MPPE1: variants seen among roughly 807,000 people sequenced by gnomAD.
The protein encoded by MPPE1 is metallo phosphoesterase.
MPPE1 carries 28 observed loss-of-function variants against 43.8 expected under a neutral mutation model. The observed-to-expected ratio is 0.64, with a 90% CI of 0.47 to 0.88. The LOEUF is 0.88. Ranked by LOEUF, MPPE1 falls within the 40% of genes least tolerant of loss-of-function variation. The pLI is 0.00. For missense variants in MPPE1, 428 were observed against 492.2 expected, an observed-to-expected ratio of 0.87 and a Z score of 1.23; for synonymous variants, 159 against 188.5, an observed-to-expected ratio of 0.84 and a Z score of 1.28.
intron 4 of MPPE1, among the ~76,000 whole-genome samples, chr18:11,891,719 T>C (rs187423968): frequency 4.6e-5 from 7 of 152,352 alleles, no homozygotes; most frequent in Admixed American, 2.6e-4. Flanking sequence ...TGTGCAGCTA[T>C]TGAATTGTCC....
Position 11,886,975 on chromosome 18 carries a change from C to T in MPPE1, c.620G>A (p.Cys207Tyr). 1 of 1,613,902 alleles carries T rather than the reference C, an allele frequency of 6.2e-7. No individual in the cohort carries two copies. The highest frequency in any genetic ancestry group is 1.1e-5 in the South Asian group (1 of 91,080). ...AATGAGCTCTGCTTCTGTTTCAGAG[C>T]AGATGCCACAGCCATCCCCGTTCAG... ...VALNGDGCGI[C>Y]SETEAELIEV... is the part of the protein sequence containing the mutation. The change falls in exon 7 of 11, where the codon TGC (cysteine) becomes TAC (tyrosine). Residue 207 changes from cysteine to tyrosine, a missense_variant. Physicochemically the swap from Cys to Tyr is radical, Grantham distance 194. Coordinates refer to ENST00000588072, the MANE Select transcript of MPPE1 (RefSeq NM_023075.6). This position sits in a 1 kb window ranked among gnomAD's most constrained non-coding sequence, Gnocchi z 4.1.
At chr18:11,894,133 G>A (rs1439695147) in intron 3 of MPPE1, among the ~76,000 whole-genome samples, 1 of 152,190 alleles carries the variant, frequency 6.6e-6, no homozygotes, top group East Asian at 1.9e-4. Context: ...ACAAGCAAAT[G>A]AAAAGAGCCT....
At chr18:11,900,708 C>G (rs549415787) in intron 2 of MPPE1, among the ~76,000 whole-genome samples, 2 of 151,776 alleles carry the variant, frequency 1.3e-5, no homozygotes, top group East Asian at 1.9e-4. Context: ...GAGATCGAGA[C>G]CATCCTGGCT....
intron 6 of MPPE1, among the ~76,000 whole-genome samples, chr18:11,887,513 TACAG>T (rs755614822): frequency 1.3e-5 from 2 of 152,158 alleles, no homozygotes; most frequent in Non-Finnish European, 2.9e-5. Context: ...ATCAGTGACA[TACAG>T]ACACACACAG....
At chr18:11,885,110 C>T (rs1323650145) in intron 10 of MPPE1, 1 of 1,152,098 alleles carries the variant, frequency 8.7e-7, no homozygotes, top group East Asian at 6.3e-5. Flanking sequence ...TGTGGAACAA[C>T]AGTGGCAAAT....
At chr18:11,885,509 C>T (rs1191043311) in intron 10 of MPPE1, 167 bp downstream of exon 10, 8 of 776,190 alleles carry the variant, frequency 1.0e-5, no homozygotes, top group Non-Finnish European at 1.6e-5. Flanking sequence ...GATTGGTTCC[C>T]GGAAGGGTGT....
intron 5 of MPPE1, 95 bp downstream of exon 5, chr18:11,889,292 G>C: frequency 1.3e-6 from 1 of 778,382 alleles, no homozygotes; most frequent in Non-Finnish European, 2.0e-6. Flanking sequence ...CAAATTTCAA[G>C]ACAGCACAAA....
chr18:11,895,493 C>T (rs2038497205), intron 3 of MPPE1, among the ~76,000 whole-genome samples: 1 of 152,150 alleles, frequency 6.6e-6, no homozygotes, highest in African/African-American at 2.4e-5. Context: ...AGGCTTTTTA[C>T]CCAAGATCTC....
rs535012128 is a variant in MPPE1, at chr18:11,891,407, G to C, written c.391-1917C>G. 4 of 152,310 alleles carry C rather than the reference G, an allele frequency of 2.6e-5. No individual in the cohort carries two copies. In the East Asian group the frequency reaches 7.7e-4, roughly 29 times the overall value. 9.4% of individuals were successfully genotyped at this position (152,310 alleles called of 1,614,324 possible). A position where few individuals can be genotyped will look rare whatever the true frequency, so the allele number is the denominator to read the frequency against. ...GAGAATCACTTGAACCAGGGAGGCA[G>C]AGGTTGTAGTAAGCTGAGATCACGC... On this transcript the variant is annotated intron_variant, in intron 4 of 10. Coordinates refer to ENST00000588072, the MANE Select transcript of MPPE1 (RefSeq NM_023075.6).
intron 5 of MPPE1, 73 bp downstream of exon 5, chr18:11,889,314 C>T: frequency 1.0e-6 from 1 of 977,940 alleles, no homozygotes; most frequent in Non-Finnish European, 1.5e-6. Context: ...AGGGCTTTCA[C>T]CTGAATTCCA....
chr18:11,888,293 A>G (rs2037565493), intron 6 of MPPE1, among the ~76,000 whole-genome samples: 1 of 152,268 alleles, frequency 6.6e-6, no homozygotes, highest in Admixed American at 6.5e-5. Flanking sequence ...CATAACTACG[A>G]GAACAGTCTT....
intron 2 of MPPE1, among the ~76,000 whole-genome samples, chr18:11,903,803 C>CT (rs1459141586): frequency 6.6e-6 from 1 of 151,668 alleles, no homozygotes; most frequent in African/African-American, 2.4e-5. Flanking sequence ...GAGACTCCGT[C>CT]TCAAAAAAAC....
chr18:11,886,924 G>A lies in MPPE1; in HGVS notation c.671C>T (p.Ser224Phe), dbSNP rs1372435634. The A allele has an allele frequency of 6.2e-7, 1 of 1,612,296 alleles. No individual in the cohort carries two copies. The highest frequency in any genetic ancestry group is 1.7e-5 in the Admixed American group (1 of 59,912). ...ATTCAGATGCTCTCCTACCTCTCGG[G>A]AGCAGTTCAGTCTGTGAGAAACTTC... ...LIEVSHRLNC[S>F]REARGSSRCG... The change falls in exon 7 of 11, where the codon TCC (serine) becomes TTC (phenylalanine). Residue 224 changes from serine (S) to phenylalanine (F), a missense_variant. Coordinates refer to ENST00000588072, the MANE Select transcript of MPPE1 (RefSeq NM_023075.6). This position sits in a 1 kb window ranked among gnomAD's most constrained non-coding sequence, Gnocchi z 4.1.
In MPPE1 at chr18:11,893,506, C is replaced by G; in HGVS notation, c.352G>C (p.Gly118Arg). The G allele has an allele frequency of 6.2e-7, 1 of 1,614,038 alleles. No individual in the cohort carries two copies. Among genetic ancestry groups the G allele is most frequent in the African/African-American group, 1.3e-5 (1 of 75,030 alleles). The change falls in exon 4 of 11, where the codon GGG becomes CGG. Residue 118 changes from glycine to arginine, a missense_variant. Gly to Arg is a moderately radical substitution (Grantham distance 125, BLOSUM62 -2). Coordinates refer to ENST00000588072, the MANE Select transcript of MPPE1 (RefSeq NM_023075.6). ...LLQPEVVFIL[G>R]DIFDEGKWST... ...CACTTCCCTTCATCAAAGATATCCC[C>G]CAGGATGAAGACGACTTCCGGCTGC...
chr18:11,887,665 C>T (rs1447635094), intron 6 of MPPE1, among the ~76,000 whole-genome samples: 3 of 152,190 alleles, frequency 2.0e-5, no homozygotes, highest in African/African-American at 7.2e-5. Context: ...ACGGTTTTAT[C>T]TCCTACATGC....
At chr18:11,907,498 G>T in intron 1 of MPPE1, among the ~76,000 whole-genome samples, 1 of 148,398 alleles carries the variant, frequency 6.7e-6, no homozygotes, top group East Asian at 2.0e-4. Context: ...ATTTGGCTCA[G>T]AATTAATCCC....
intron 2 of MPPE1, chr18:11,905,283 G>A (rs1003475590): frequency 6.6e-6 from 1 of 152,060 alleles, no homozygotes; most frequent in African/African-American, 2.4e-5. Flanking sequence ...CTCCAGTCTG[G>A]GCGACAGAGG....
chr18:11,892,602 G>A (rs1291902243), intron 4 of MPPE1, among the ~76,000 whole-genome samples: 2 of 151,648 alleles, frequency 1.3e-5, no homozygotes, highest in Non-Finnish European at 2.9e-5. Context: ...GAACCTGGGA[G>A]GCAGAGGTTG....
chr18:11,893,670 T>C, intron 3 of MPPE1, 94 bp from the exon 4 acceptor site: 1 of 973,352 alleles, frequency 1.0e-6, no homozygotes, highest in Non-Finnish European at 1.6e-6. Context: ...AACTAAATGG[T>C]TCCACTCTCC....
Sources: allele counts gnomAD v4.1 joint callset (sites outside exome capture counted in the v4.1 genomes callset), GRCh38; gene constraint gnomAD v4.1.1; non-coding constraint Gnocchi (gnomAD v3.1); transcripts MANE v1.5; gene names NCBI Gene and HGNC (gene_info 2026-07-23, HGNC 2026-07-21).